Variants in PAICS observed in about 807,000 individuals in gnomAD.
PAICS encodes the protein bifunctional phosphoribosylaminoimidazole carboxylase/phosphoribosylaminoimidazole succinocarboxamide synthetase.
PAICS carries 33 observed loss-of-function variants against 53.7 expected under a neutral mutation model. That is an observed-to-expected ratio of 0.61 (90% CI 0.47 to 0.82). The LOEUF is 0.82. Among genes scored for constraint, PAICS ranks in the 40% least tolerant of loss-of-function variants. The pLI is 0.00. For synonymous variants in PAICS, 141 were observed against 167.2 expected (o/e 0.84, Z 1.21); for missense variants, 394 against 494.1 (o/e 0.80, Z 1.92).
chr4:56,416,834 AG>A, the PAICS span, among the ~76,000 whole-genome samples: 163 of 152,248 alleles, frequency 1.1e-3, no homozygotes, highest in African/African-American at 3.8e-3. Context: ...AATTAAATTC[AG>A]TGTAAATCCT....
At chr4:56,431,564 T>A, upstream of PAICS, 1 of 958,828 alleles carries the variant, frequency 1.0e-6, no homozygotes, top group Non-Finnish European at 1.2e-6. Flanking sequence ...TCTTATAAAT[T>A]TTTAGAAGTA....
chr4:56,458,377 C>T (rs1043572370), intron 8 of PAICS, among the ~76,000 whole-genome samples: 2 of 151,824 alleles, frequency 1.3e-5, no homozygotes, highest in African/African-American at 4.8e-5. Context: ...GAGTGGAGCA[C>T]TCTACCTAGC....
At position 56,447,969 on chromosome 4, in the gene PAICS, A is replaced by G. The variant is rs560046489; in HGVS notation, c.394-449A>G. 2.7e-5 allele frequency among the ~76,000 whole-genome samples: 4 copies of G among 150,732 alleles called. No individual in the cohort carries two copies. In the South Asian group the frequency reaches 8.5e-4, roughly 32 times the overall value. ...TTCAGCCTCCTAAATTACTGGGACT[A>G]CAGTGTGAGCCACTGCACCTGGATC... On this transcript the variant is annotated intron_variant, in intron 3 of 8. Transcript: ENST00000512576.
At chr4:56,438,624 A>C (rs1207610462) in intron 1 of PAICS, among the ~76,000 whole-genome samples, 1 of 151,500 alleles carries the variant, frequency 6.6e-6, no homozygotes, top group Non-Finnish European at 1.5e-5. Flanking sequence ...TTTTTAGTAG[A>C]GTCAGGGTTT....
chr4:56,412,160 G>C, the PAICS span, among the ~76,000 whole-genome samples: 3 of 152,110 alleles, frequency 2.0e-5, no homozygotes, highest in Non-Finnish European at 4.4e-5. Context: ...ACTTCTTAAA[G>C]GGATCTTCAG....
the PAICS span, among the ~76,000 whole-genome samples, chr4:56,412,812 G>T: frequency 3.9e-5 from 6 of 151,922 alleles, no homozygotes; most frequent in African/African-American, 1.5e-4. Flanking sequence ...CTCTTTACCG[G>T]GCTCCCTAGT....
the PAICS span, chr4:56,423,085 C>G: frequency 6.6e-6 from 1 of 152,314 alleles, no homozygotes; most frequent in Admixed American, 6.5e-5. Flanking sequence ...CAAACCAAAA[C>G]TGGGGAGGAG....
chr4:56,462,321 G>A lies in PAICS; in HGVS notation c.*2783G>A, dbSNP rs1413061378. Reference sequence around the variant, plus strand: ...GAGCTCTGTGAACAAGGATGAGAGTGGAAGACAATATAAGCAAAGGCTACA... The same window carrying A: ...GAGCTCTGTGAACAAGGATGAGAGTAGAAGACAATATAAGCAAAGGCTACA... On this transcript the variant is annotated 3_prime_UTR_variant, in exon 9 of 9. Coordinates refer to ENST00000512576, the MANE Select transcript of PAICS (RefSeq NM_001079524.2). 1 of 152,206 alleles carries A rather than the reference G, an allele frequency of 6.6e-6. No homozygotes were observed. Among genetic ancestry groups the A allele is most frequent in the Non-Finnish European group, 1.5e-5 (1 of 68,050 alleles). 9.4% of individuals were successfully genotyped at this position (152,206 alleles called of 1,614,324 possible).
upstream of PAICS, chr4:56,435,621 G>A (rs1717870721): frequency 3.4e-6 from 5 of 1,472,138 alleles, no homozygotes; most frequent in Non-Finnish European, 4.6e-6. Context: ...CTACTGCGGC[G>A]GCGCGCGCTG....
At chr4:56,435,630 T>C (rs1717871488), upstream of PAICS, 1 of 1,449,586 alleles carries the variant, frequency 6.9e-7, no homozygotes, top group Non-Finnish European at 9.2e-7. Context: ...CGGCGCGCGC[T>C]GTCCCTAGGT....
intron 7 of PAICS, 32 bp from the exon 8 acceptor site, chr4:56,453,571 T>G (rs1719031373): frequency 6.7e-7 from 1 of 1,493,810 alleles, no homozygotes. Context: ...TTTTGAATGT[T>G]TAGCATAATT....
At chr4:56,440,880 G>A (rs1398690673) in intron 1 of PAICS, among the ~76,000 whole-genome samples, 2 of 152,070 alleles carry the variant, frequency 1.3e-5, no homozygotes, top group African/African-American at 4.8e-5. Flanking sequence ...TCTCTCTTTC[G>A]AAATTTTAAG....
At position 56,448,790 on chromosome 4, in the gene PAICS, A is replaced by T; in HGVS notation, c.654A>T (p.Pro218=). The T allele has an allele frequency of 6.3e-7, 1 of 1,591,580 alleles. No individual in the cohort carries two copies. Among genetic ancestry groups the T allele is most frequent in the Non-Finnish European group, 8.6e-7 (1 of 1,166,176 alleles). The change falls in exon 5 of 9, where the codon CCA becomes CCT. Residue 218 remains proline, a synonymous_variant. Coordinates refer to ENST00000512576, the MANE Select transcript of PAICS (RefSeq NM_001079524.2). ...VIDNDSWRLW[P]SGDRSQQKDK... ...ACAATGATTCCTGGAGACTCTGGCCATCAGGAGATCGAAGCCAACAGAAAG... is the reference window on the plus strand; with the variant it reads ...ACAATGATTCCTGGAGACTCTGGCCTTCAGGAGATCGAAGCCAACAGAAAG...
intron 1 of PAICS, among the ~76,000 whole-genome samples, chr4:56,440,822 C>T (rs943273054): frequency 2.6e-5 from 4 of 152,106 alleles, no homozygotes; most frequent in African/African-American, 7.2e-5. Context: ...ATGGATACAC[C>T]GGGAAAATGT....
chr4:56,413,191 A>G, the PAICS span, among the ~76,000 whole-genome samples: 7 of 151,968 alleles, frequency 4.6e-5, no homozygotes, highest in African/African-American at 1.7e-4. Flanking sequence ...ACAGAGTCTC[A>G]CTCTGTCACC....
chr4:56,435,946 A>G, upstream of PAICS: 1 of 1,502,586 alleles, frequency 6.7e-7, no homozygotes, highest in Non-Finnish European at 8.9e-7. Context: ...CCAACTTCTG[A>G]GTCGCTCCCG....
rs548979988 is a variant in PAICS at position 56,446,886 on chromosome 4, T to C, written c.393+13T>C. On this transcript the variant is annotated intron_variant, in intron 3 of 8. Coordinates refer to ENST00000512576, the MANE Select transcript of PAICS (RefSeq NM_001079524.2). The stretch of plus-strand genomic sequence containing the variant: ...GTTGTTTTTCAAGGTAATTATCTTA[T>C]GCCTCTGTTTTATGTCTTACTGTAA... 9.6e-5 allele frequency: 148 copies of C among 1,544,902 alleles called. 1 individual carries two copies. In the South Asian group the frequency reaches 1.4e-3, roughly 15 times the overall value.
chr4:56,459,164 G>C (rs927019074), intron 8 of PAICS, among the ~76,000 whole-genome samples: 1 of 152,134 alleles, frequency 6.6e-6, no homozygotes, highest in Admixed American at 6.6e-5. Context: ...TCTCTTCATG[G>C]CAGGTAATAC....
chr4:56,435,401 T>G (rs776654985), upstream of PAICS: 3 of 1,613,614 alleles, frequency 1.9e-6, no homozygotes, highest in East Asian at 4.5e-5. Context: ...TACATCCAGC[T>G]GCGTGGGCCA....
Sources: gnomAD v4.1 joint callset for allele counts (sites outside exome capture counted in the v4.1 genomes callset) on GRCh38, gnomAD v4.1.1 for gene constraint, MANE v1.5 for transcripts, NCBI Gene and HGNC (gene_info 2026-07-23, HGNC 2026-07-21) for gene names.